Variants in PCSK6 observed in about 807,000 individuals in gnomAD.
PCSK6 encodes paired basic amino acid cleaving enzyme 4.
Under a neutral mutation model 123.3 loss-of-function variants are expected in PCSK6, and 85 were observed. The observed-to-expected ratio is 0.69, with a 90% CI of 0.58 to 0.83. The LOEUF is 0.83. Ranked by LOEUF, PCSK6 falls within the 40% of genes least tolerant of loss-of-function variation. PCSK6 has a pLI of 0.00. For synonymous variants in PCSK6, 508 were observed against 516.0 expected, an observed-to-expected ratio of 0.98 and a Z score of 0.21; for missense variants, 1,191 against 1,282.3, an observed-to-expected ratio of 0.93 and a Z score of 1.09.
chr15:101,366,346 TGTG>T lies in PCSK6; in HGVS notation c.1722-17_1722-15del. On this transcript the variant is annotated splice_polypyrimidine_tract_variant and intron_variant, in intron 12 of 21. Transcript: ENST00000611716. ...AGATCCAGCAACCTGCAATTGGAGG[TGTG>T]GTGTCAGAAATGAAGGTGCTGGTAC... The T allele has an allele frequency of 6.2e-7, 1 of 1,607,730 alleles. No individual in the cohort carries two copies. Among genetic ancestry groups the T allele is most frequent in the Admixed American group, 1.7e-5 (1 of 59,322 alleles).
Position 101,334,838 on chromosome 15 carries a change from G to A in PCSK6, c.1859-2807C>T, listed in dbSNP as rs538030080. Among the ~76,000 whole-genome samples, 10 of 152,166 alleles carry A rather than the reference G, an allele frequency of 6.6e-5. No individual in the cohort carries two copies. In the East Asian group the frequency reaches 1.9e-3, roughly 29 times the overall value. On this transcript the variant is annotated intron_variant, in intron 13 of 21. Transcript: ENST00000611716. Reference sequence around the variant, plus strand: ...GGTGTGCACTGTGTGGAAAAAGAGAGCAGGAAGAATTCCCAGGGACCCAGC... The same window carrying A: ...GGTGTGCACTGTGTGGAAAAAGAGAACAGGAAGAATTCCCAGGGACCCAGC...
Position 101,317,521 on chromosome 15 carries a change from A to AC in PCSK6, c.2569+797_2569+798insG, listed in dbSNP as rs200596500. On this transcript the variant is annotated intron_variant, in intron 19 of 21. Coordinates refer to ENST00000611716, the MANE Select transcript of PCSK6 (RefSeq NM_002570.5). The stretch of plus-strand genomic sequence containing the variant: ...TTTATAGAATTCTTTTCCTCTTTGA[A>AC]AAAATGTTCAAAATAAGTGAAGATA... Among the ~76,000 whole-genome samples the AC allele has an allele frequency of 2.4e-3, 359 of 151,946 alleles. 1 individual carries two copies. The highest frequency in any genetic ancestry group is 8.3e-3 in the African/African-American group (342 of 41,340).
At chr15:101,481,667 G>A (rs2057888623) in intron 1 of PCSK6, among the ~76,000 whole-genome samples, 1 of 152,170 alleles carries the variant, frequency 6.6e-6, no homozygotes, top group Non-Finnish European at 1.5e-5. Context: ...GGGGAGCACG[G>A]GAGCAGGAGG....
chr15:101,391,658 C>T (rs1484567650), intron 8 of PCSK6, among the ~76,000 whole-genome samples: 3 of 152,216 alleles, frequency 2.0e-5, no homozygotes, highest in East Asian at 3.8e-4. Flanking sequence ...AGAATGCAGG[C>T]GGACAGGGTT....
chr15:101,442,069 C>G (rs542016585), intron 2 of PCSK6, among the ~76,000 whole-genome samples: 10 of 152,306 alleles, frequency 6.6e-5, no homozygotes, highest in African/African-American at 2.4e-4. Context: ...GAAGGAGCAA[C>G]TACAATCTGG....
chr15:101,479,665 C>T (rs1043155593), intron 1 of PCSK6, among the ~76,000 whole-genome samples: 15 of 152,168 alleles, frequency 9.9e-5, no homozygotes, highest in African/African-American at 2.9e-4. Flanking sequence ...GTGAGCAGAA[C>T]GGTGTGGGGC....
chr15:101,307,487 A>T (rs2039753232), intron 20 of PCSK6, 162 bp from the exon 21 acceptor site: 1 of 602,474 alleles, frequency 1.7e-6, no homozygotes, highest in African/African-American at 1.8e-5. Flanking sequence ...ACAGGGGCTG[A>T]GTGTCTGCAT....
intron 16 of PCSK6, among the ~76,000 whole-genome samples, chr15:101,325,989 A>G (rs1390189669): frequency 2.0e-5 from 3 of 152,232 alleles, no homozygotes; most frequent in Non-Finnish European, 4.4e-5. Context: ...AACAGGCTTC[A>G]GCCTGTCCAA....
At chr15:101,381,708 G>A (rs781757874) in intron 11 of PCSK6, among the ~76,000 whole-genome samples, 8 of 152,190 alleles carry the variant, frequency 5.3e-5, no homozygotes, top group African/African-American at 1.2e-4. Flanking sequence ...ATCTCTAGCC[G>A]GTGGTGACAG....
intron 1 of PCSK6, among the ~76,000 whole-genome samples, chr15:101,488,534 G>GCC (rs1013649085): frequency 6.6e-6 from 1 of 152,164 alleles, no homozygotes; most frequent in African/African-American, 2.4e-5. Context: ...TGAGGGTCAG[G>GCC]CCCCGGTCCA....
At chr15:101,468,094 T>A (rs753062200) in intron 1 of PCSK6, among the ~76,000 whole-genome samples, 12 of 152,144 alleles carry the variant, frequency 7.9e-5, no homozygotes, top group Non-Finnish European at 1.3e-4. Flanking sequence ...GAAAAAAGTG[T>A]GGTGTCAGCT....
chr15:101,330,185 G>C (rs2040344601), intron 15 of PCSK6, among the ~76,000 whole-genome samples: 1 of 152,218 alleles, frequency 6.6e-6, no homozygotes, highest in South Asian at 2.1e-4. Context: ...TGCAGCTGCT[G>C]CCCTTTCTCC....
intron 15 of PCSK6, among the ~76,000 whole-genome samples, chr15:101,329,621 G>A (rs1727751790): frequency 6.6e-6 from 1 of 152,226 alleles, no homozygotes; most frequent in South Asian, 2.1e-4. Flanking sequence ...CTCATCCTGT[G>A]AACTGTCTCC....
intron 11 of PCSK6, among the ~76,000 whole-genome samples, chr15:101,373,005 T>C (rs1174547310): frequency 6.7e-6 from 1 of 149,208 alleles, no homozygotes; most frequent in African/African-American, 2.5e-5. Context: ...GCAGGGTAAT[T>C]ACAAGTGAAA....
chr15:101,381,487 C>A (rs907815006), intron 11 of PCSK6, among the ~76,000 whole-genome samples: 2 of 152,178 alleles, frequency 1.3e-5, no homozygotes, highest in Non-Finnish European at 2.9e-5. Context: ...TCTGCTCGAG[C>A]CTTGTTAAAA....
At chr15:101,443,750 G>A in intron 1 of PCSK6, 90 bp from the exon 2 acceptor site, 1 of 887,728 alleles carries the variant, frequency 1.1e-6, no homozygotes, top group Non-Finnish European at 1.9e-6. Flanking sequence ...CCCCTTATCT[G>A]AGGGGCTCAT....
chr15:101,412,691 T>TTTTATATATATATATATA (rs772007096), intron 6 of PCSK6, among the ~76,000 whole-genome samples: 2 of 124,744 alleles, frequency 1.6e-5, no homozygotes, highest in African/African-American at 6.9e-5. Context: ...AACTGGAAAA[T>TTTTATATATATATATATA]TATATATATA....
At chr15:101,468,883 C>T (rs995744865) in intron 1 of PCSK6, among the ~76,000 whole-genome samples, 1 of 152,222 alleles carries the variant, frequency 6.6e-6, no homozygotes, top group Non-Finnish European at 1.5e-5. Context: ...ATCCTCACAA[C>T]AGCTGGATAT....
chr15:101,358,247 C>T (rs1029079757), intron 13 of PCSK6, among the ~76,000 whole-genome samples: 5 of 152,160 alleles, frequency 3.3e-5, no homozygotes, highest in Admixed American at 6.5e-5. Context: ...AAAGGACAGC[C>T]GTACCCTTGG....
Sources: gnomAD v4.1 joint callset for allele counts (sites outside exome capture counted in the v4.1 genomes callset) on GRCh38, gnomAD v4.1.1 for gene constraint, MANE v1.5 for transcripts, NCBI Gene and HGNC (gene_info 2026-07-23, HGNC 2026-07-21) for gene names.